Variants in NBAS observed in about 807,000 individuals in gnomAD.
The protein encoded by NBAS is NBAS subunit of NRZ tethering complex.
NBAS carries 219 observed loss-of-function variants against 302.5 expected under a neutral mutation model. The ratio of observed to expected loss-of-function variants is 0.72; its 90% CI spans 0.65 to 0.81. The LOEUF (loss-of-function observed/expected upper bound fraction) is 0.81, where lower values mean the gene tolerates loss of function less well. Among genes scored for constraint, NBAS ranks in the 30% least tolerant of loss-of-function variants. The pLI, the probability that NBAS is intolerant of heterozygous loss-of-function variation, is 0.00. For synonymous variants in NBAS, 1,118 were observed against 1,021.6 expected (o/e 1.09, Z -1.80); for missense variants, 2,932 against 2,841.6 (o/e 1.03, Z -0.72).
At chr2:15,415,813 C>T in intron 24 of NBAS, 94 bp from the exon 25 acceptor site, 2 of 1,329,192 alleles carry the variant, frequency 1.5e-6, no homozygotes, top group South Asian at 2.4e-5. Context: ...CTTACAGGTC[C>T]TCAGACTGAT....
intron 26 of NBAS, among the ~76,000 whole-genome samples, chr2:15,399,166 T>G (rs556461091): frequency 1.1e-4 from 17 of 152,324 alleles, no homozygotes. Flanking sequence ...AAACAAAGCC[T>G]AATATATTTA....
At chr2:15,297,284 A>G (rs1053131724) in intron 40 of NBAS, among the ~76,000 whole-genome samples, 1 of 152,144 alleles carries the variant, frequency 6.6e-6, no homozygotes, top group African/African-American at 2.4e-5. Context: ...GTAGGGAGGG[A>G]TATCTCTTAA....
chr2:15,373,310 A>T (rs1229895809), intron 31 of NBAS, among the ~76,000 whole-genome samples: 1 of 152,186 alleles, frequency 6.6e-6, no homozygotes, highest in Non-Finnish European at 1.5e-5. Context: ...ATTCAAAGTA[A>T]TAATAATATT....
chr2:14,874,320 T>TAACAAAAC, the NBAS span, among the ~76,000 whole-genome samples: 6 of 152,084 alleles, frequency 3.9e-5, no homozygotes, highest in South Asian at 1.2e-3. Context: ...ACTGCCCTGA[T>TAACAAAAC]AACAAAACAT....
chr2:15,173,866 T>C (rs1158180999), intron 51 of NBAS, among the ~76,000 whole-genome samples: 3 of 152,266 alleles, frequency 2.0e-5, no homozygotes, highest in Non-Finnish European at 4.4e-5. Flanking sequence ...ATTTCACATG[T>C]CAATCTCTCC....
chr2:15,451,940 T>C (rs1222385503), intron 21 of NBAS, among the ~76,000 whole-genome samples: 2 of 151,988 alleles, frequency 1.3e-5, no homozygotes. Context: ...CTCTAAAGCT[T>C]ATTTAATCTT....
the NBAS span, among the ~76,000 whole-genome samples, chr2:15,161,887 G>A: frequency 4.6e-5 from 7 of 152,280 alleles, no homozygotes; most frequent in South Asian, 2.1e-4. Context: ...GAGCACAAGA[G>A]GGAGATTAGG....
the NBAS span, among the ~76,000 whole-genome samples, chr2:14,921,589 C>T: frequency 1.8e-4 from 28 of 152,288 alleles, no homozygotes; most frequent in African/African-American, 6.5e-4. Flanking sequence ...CTTTCTAATC[C>T]ACTAGGAGAA....
rs1333479580 is a variant in NBAS at position 15,539,472 on chromosome 2, G to A, written c.380-116C>T. The A allele has an allele frequency of 1.2e-5, 15 of 1,280,798 alleles. No individual in the cohort carries two copies. In the Admixed American group the frequency reaches 2.7e-4, roughly 23 times the overall value. 79.3% of individuals were successfully genotyped at this position (1,280,798 alleles called of 1,614,324 possible). A position where few individuals can be genotyped will look rare whatever the true frequency, so the allele number is the denominator to read the frequency against. On this transcript the variant is annotated intron_variant, in intron 6 of 51. Transcript: ENST00000281513. Reference sequence around the variant, plus strand: ...GTACAATAATTACGTCATCTCCTAAGGATCTCTAATAAAGCTTCCCTCAAT... The same window carrying A: ...GTACAATAATTACGTCATCTCCTAAAGATCTCTAATAAAGCTTCCCTCAAT...
chr2:15,440,837 G>A (rs368792136), intron 21 of NBAS, among the ~76,000 whole-genome samples: 7 of 150,480 alleles, frequency 4.7e-5, no homozygotes, highest in African/African-American at 1.5e-4. Flanking sequence ...GAAAGCCAAG[G>A]CTGGAGAACT....
chr2:15,097,262 C>A, the NBAS span, among the ~76,000 whole-genome samples: 1 of 152,020 alleles, frequency 6.6e-6, no homozygotes. Context: ...GGGTGGGGGA[C>A]AAGGTGTCAA....
intron 43 of NBAS, 118 bp from the exon 44 acceptor site, chr2:15,275,936 C>T (rs1296414269): frequency 1.2e-6 from 1 of 826,264 alleles, no homozygotes; most frequent in Non-Finnish European, 1.9e-6. Flanking sequence ...ATCAACTTAG[C>T]TCTAAGTAGC....
chr2:15,424,479 C>T lies in NBAS; in HGVS notation c.2424-11G>A, dbSNP rs1572828888. ...GGCTCAACAACCATTCTGTGAAGCA[C>T]AAAAGGACCAATTAATAACTGACTA... is the stretch of plus-strand genomic sequence containing the variant. On this transcript the variant is annotated splice_polypyrimidine_tract_variant and intron_variant, in intron 22 of 51. Coordinates refer to ENST00000281513, the MANE Select transcript of NBAS (RefSeq NM_015909.4). 12 of 1,613,842 alleles carry T rather than the reference C, an allele frequency of 7.4e-6. No individual in the cohort carries two copies. The East Asian group carries it at 2.7e-4, about 36-fold the overall frequency.
chr2:15,560,758 G>A (rs909812467), intron 1 of NBAS, among the ~76,000 whole-genome samples: 7 of 152,112 alleles, frequency 4.6e-5, no homozygotes, highest in Non-Finnish European at 8.8e-5. Context: ...TCGCAGTTGA[G>A]CGTCGGCCCA....
the NBAS span, among the ~76,000 whole-genome samples, chr2:14,968,739 G>A: frequency 6.6e-6 from 1 of 152,160 alleles, no homozygotes; most frequent in African/African-American, 2.4e-5. Flanking sequence ...CTCTTATATT[G>A]CTATGACAAT....
In NBAS at chr2:15,396,099, A is replaced by C. The variant is rs1415212981; in HGVS notation, c.3134+314T>G. Among the ~76,000 whole-genome samples, 5 of 152,198 alleles carry C rather than the reference A, an allele frequency of 3.3e-5. No homozygotes were observed. The East Asian group carries it at 9.6e-4, about 29-fold the overall frequency. On this transcript the variant is annotated intron_variant, in intron 27 of 51. Transcript: ENST00000281513. ...TATGTAGGAGGCACTTTAAATGCTT[A>C]ATCTAATATTGATTCCACAATTTTG... is the stretch of plus-strand genomic sequence containing the variant.
chr2:14,849,398 T>A, the NBAS span, among the ~76,000 whole-genome samples: 1 of 150,512 alleles, frequency 6.6e-6, no homozygotes, highest in Non-Finnish European at 1.5e-5. Context: ...TAAAAAGAAA[T>A]GAGCAAAGCC....
chr2:14,988,173 G>A, the NBAS span, among the ~76,000 whole-genome samples: 1 of 152,062 alleles, frequency 6.6e-6, no homozygotes, highest in Non-Finnish European at 1.5e-5. Flanking sequence ...AAAAAACAGG[G>A]AACTCTACCC....
the NBAS span, among the ~76,000 whole-genome samples, chr2:14,959,514 C>T: frequency 2.0e-5 from 3 of 152,198 alleles, no homozygotes; most frequent in Non-Finnish European, 4.4e-5. Context: ...CAGTCCTTCC[C>T]AACATATCTA....
Sources: allele counts gnomAD v4.1 joint callset (sites outside exome capture counted in the v4.1 genomes callset), GRCh38; gene constraint gnomAD v4.1.1; transcripts MANE v1.5; gene names NCBI Gene and HGNC (gene_info 2026-07-23, HGNC 2026-07-21).